Variants in NAV3 observed in about 807,000 individuals in gnomAD.
The protein encoded by NAV3 is neuron navigator 3.
Under a neutral mutation model 244.7 loss-of-function variants are expected in NAV3, and 87 were observed. The ratio of observed to expected loss-of-function variants is 0.36; its 90% CI spans 0.30 to 0.42. The LOEUF (loss-of-function observed/expected upper bound fraction) is 0.42, where lower values mean the gene tolerates loss of function less well. Ranked by LOEUF, NAV3 falls within the 20% of genes least tolerant of loss-of-function variation. The pLI, the probability that NAV3 is intolerant of heterozygous loss-of-function variation, is 1.00. For synonymous variants in NAV3, 1,126 were observed against 1,042.2 expected (o/e 1.08, Z -1.55); for missense variants, 2,663 against 2,893.3 (o/e 0.92, Z 1.83).
chr12:78,124,260 G>T (rs1955807890), intron 16 of NAV3, among the ~76,000 whole-genome samples: 1 of 152,108 alleles, frequency 6.6e-6, no homozygotes, highest in African/African-American at 2.4e-5. Context: ...TGAAAGATTG[G>T]TTAGTTGCAT....
intron 2 of NAV3, among the ~76,000 whole-genome samples, chr12:77,580,843 A>T (rs1274742440): frequency 6.6e-6 from 1 of 152,250 alleles, no homozygotes; most frequent in Non-Finnish European, 1.5e-5. Context: ...AGTGGCAGTC[A>T]TGGAGATGTT....
rs61710960 is a variant in NAV3, at chr12:77,824,241, A to ATTTTTTTTTTTT, written c.73-116066_73-116055dup. Among the ~76,000 whole-genome samples, 300 of 104,886 alleles carry ATTTTTTTTTTTT rather than the reference A, an allele frequency of 2.9e-3. 1 individual carries two copies. The highest frequency in any genetic ancestry group is 6.3e-3 in the African/African-American group (166 of 26,148). The allele number at this position is 104,886 out of a possible 152,430, so 68.8% of individuals were successfully genotyped here. A position where few individuals can be genotyped will look rare whatever the true frequency, so the allele number is the denominator to read the frequency against. On this transcript the variant is annotated intron_variant, in intron 2 of 8. Coordinates refer to the NAV3 transcript ENST00000550042. ...GGCGCATGCCACCACGCCCAACTAA[A>ATTTTTTTTTTTT]TTTTTTTTTTTTTTTTTTTTTTTGT...
At chr12:78,051,871 T>C (rs1218952037) in intron 11 of NAV3, among the ~76,000 whole-genome samples, 1 of 152,240 alleles carries the variant, frequency 6.6e-6, no homozygotes, top group Non-Finnish European at 1.5e-5. Context: ...GCTTTGAAGA[T>C]ATTGTTTTAC....
At position 78,128,878 on chromosome 12, in the gene NAV3, T is replaced by C; in HGVS notation, c.4441+12T>C. 1 of 1,611,328 alleles carries C rather than the reference T, an allele frequency of 6.2e-7. No individual in the cohort carries two copies. The highest frequency in any genetic ancestry group is 8.5e-7 in the Non-Finnish European group (1 of 1,178,464). On this transcript the variant is annotated intron_variant, in intron 18 of 39. Coordinates refer to ENST00000397909, the MANE Select transcript of NAV3 (RefSeq NM_001024383.2). ...CTTTTCTAACTTGGGTAAAATATTCTAAAATATTGATTTTGTTTTGTTTCT... is the reference window on the plus strand; with the variant it reads ...CTTTTCTAACTTGGGTAAAATATTCCAAAATATTGATTTTGTTTTGTTTCT...
chr12:78,194,109 G>C (rs959929139), intron 34 of NAV3, among the ~76,000 whole-genome samples: 1 of 151,946 alleles, frequency 6.6e-6, no homozygotes, highest in African/African-American at 2.4e-5. Flanking sequence ...TGACTTGTGT[G>C]GTTGACTTCA....
chr12:77,999,346 A>T (rs968588583), intron 7 of NAV3, among the ~76,000 whole-genome samples: 30 of 152,254 alleles, frequency 2.0e-4, no homozygotes, highest in Non-Finnish European at 3.8e-4. Flanking sequence ...GGAAAAACAC[A>T]TGAAATTAAA....
chr12:77,573,206 T>G (rs1423626427), intron 2 of NAV3, among the ~76,000 whole-genome samples: 1 of 152,210 alleles, frequency 6.6e-6, no homozygotes, highest in Non-Finnish European at 1.5e-5. Context: ...TTTTGTTTAC[T>G]GTTCACTTCT....
chr12:77,657,806 T>C (rs1462334081), intron 2 of NAV3, among the ~76,000 whole-genome samples: 15 of 152,008 alleles, frequency 9.9e-5, no homozygotes, highest in African/African-American at 2.7e-4. Context: ...GTTCAATATA[T>C]GCAAATCAAT....
chr12:78,034,290 G>A (rs147359428), intron 9 of NAV3, among the ~76,000 whole-genome samples: 18 of 152,260 alleles, frequency 1.2e-4, no homozygotes, highest in African/African-American at 4.1e-4. Flanking sequence ...TCCCTTGGGG[G>A]AAAAACCATC....
At chr12:78,034,355 G>C (rs1444130645) in intron 9 of NAV3, among the ~76,000 whole-genome samples, 1 of 152,222 alleles carries the variant, frequency 6.6e-6, no homozygotes, top group Non-Finnish European at 1.5e-5. Context: ...GGTTTTCAGA[G>C]CCAGCAGTAT....
intron 3 of NAV3, among the ~76,000 whole-genome samples, chr12:77,964,616 G>A (rs1892351624): frequency 6.6e-6 from 1 of 152,100 alleles, no homozygotes; most frequent in Non-Finnish European, 1.5e-5. Flanking sequence ...GCTAGCGGCA[G>A]AATGAAATAT....
intron 12 of NAV3, among the ~76,000 whole-genome samples, chr12:78,094,031 A>T (rs1008154792): frequency 1.3e-5 from 2 of 152,106 alleles, no homozygotes; most frequent in African/African-American, 4.8e-5. Context: ...TTAGAGATGA[A>T]GTCTCGCCAT....
intron 2 of NAV3, among the ~76,000 whole-genome samples, chr12:77,790,855 G>A (rs986273138): frequency 3.3e-5 from 5 of 152,110 alleles, no homozygotes; most frequent in African/African-American, 9.7e-5. Context: ...CACTCAGGGC[G>A]ACCTTTGCTG....
chr12:77,596,877 G>C (rs941550238), intron 2 of NAV3, among the ~76,000 whole-genome samples: 2 of 152,066 alleles, frequency 1.3e-5, no homozygotes, highest in African/African-American at 4.8e-5. Flanking sequence ...GTCTGGCTTT[G>C]TCAGAAAGTA....
intron 23 of NAV3, among the ~76,000 whole-genome samples, chr12:78,168,379 T>A (rs1468582148): frequency 2.6e-5 from 4 of 151,818 alleles, no homozygotes; most frequent in African/African-American, 4.8e-5. Flanking sequence ...AATGCAACAG[T>A]GCAATAGTGA....
At chr12:77,944,959 T>A (rs945768792) in intron 3 of NAV3, among the ~76,000 whole-genome samples, 2 of 152,168 alleles carry the variant, frequency 1.3e-5, no homozygotes, top group Non-Finnish European at 2.9e-5. Flanking sequence ...GCTGGTATAC[T>A]GGAATGTGGT....
At chr12:77,838,569 TC>T (rs1462164718) in intron 1 of NAV3, among the ~76,000 whole-genome samples, 1 of 152,216 alleles carries the variant, frequency 6.6e-6, no homozygotes, top group Non-Finnish European at 1.5e-5. Context: ...TTTCTTTTTT[TC>T]TTGTGTCGTA....
intron 1 of NAV3, among the ~76,000 whole-genome samples, chr12:77,938,251 T>C (rs944900494): frequency 5.9e-5 from 9 of 152,246 alleles, no homozygotes; most frequent in East Asian, 1.9e-4. Context: ...CTAAACAGTA[T>C]AAAATCCTTC....
intron 8 of NAV3, among the ~76,000 whole-genome samples, chr12:78,018,993 T>A (rs1876703992): frequency 6.6e-6 from 1 of 151,914 alleles, no homozygotes. Context: ...GAAATTGGGG[T>A]CCAGAAGAGA....
Sources: gnomAD v4.1 joint callset for allele counts (sites outside exome capture counted in the v4.1 genomes callset) on GRCh38, gnomAD v4.1.1 for gene constraint, MANE v1.5 for transcripts, NCBI Gene and HGNC (gene_info 2026-07-23, HGNC 2026-07-21) for gene names.